Variants in PTPRA observed in about 807,000 individuals in gnomAD.
PTPRA encodes the protein protein tyrosine phosphatase receptor type A.
PTPRA carries 25 observed loss-of-function variants against 104.8 expected under a neutral mutation model. The ratio of observed to expected loss-of-function variants is 0.24; its 90% CI spans 0.17 to 0.33. The LOEUF (loss-of-function observed/expected upper bound fraction) is 0.33, where lower values mean the gene tolerates loss of function less well. Ranked by LOEUF, PTPRA falls within the 10% of genes least tolerant of loss-of-function variation. PTPRA has a pLI of 1.00. For missense variants in PTPRA, 765 were observed against 1,015.3 expected (o/e 0.75, Z 3.35); for synonymous variants, 323 against 368.9 (o/e 0.88, Z 1.43).
chr20:2,959,019 T>C (rs1233586948), intron 3 of PTPRA, among the ~76,000 whole-genome samples: 4 of 152,088 alleles, frequency 2.6e-5, no homozygotes, highest in Non-Finnish European at 5.9e-5. Context: ...GATAGTGTTG[T>C]TGCAAATGCA....
chr20:2,977,849 A>G (rs755346093), intron 6 of PTPRA, among the ~76,000 whole-genome samples: 21 of 152,170 alleles, frequency 1.4e-4, no homozygotes, highest in South Asian at 1.0e-3. Flanking sequence ...AAATATGTGA[A>G]CATCAGGAAC....
chr20:2,943,075 A>G (rs1448393111), intron 2 of PTPRA, among the ~76,000 whole-genome samples: 2 of 151,780 alleles, frequency 1.3e-5, no homozygotes, highest in African/African-American at 4.8e-5. Context: ...GCCAAGTTAT[A>G]GACCCTGTTC....
chr20:2,880,606 T>G (rs1481423173), intron 1 of PTPRA, among the ~76,000 whole-genome samples: 1 of 152,224 alleles, frequency 6.6e-6, no homozygotes, highest in Non-Finnish European at 1.5e-5. Context: ...TGATGAATTC[T>G]TGGTGAGCTA....
At chr20:2,923,658 A>AG (rs2060181785) in intron 2 of PTPRA, among the ~76,000 whole-genome samples, 2 of 151,878 alleles carry the variant, frequency 1.3e-5, no homozygotes, top group Admixed American at 6.6e-5. Context: ...AATTAGCCAG[A>AG]TGTGGTGGCA....
chr20:2,996,999 G>T (rs948438215), intron 9 of PTPRA, among the ~76,000 whole-genome samples: 1 of 152,104 alleles, frequency 6.6e-6, no homozygotes, highest in Non-Finnish European at 1.5e-5. Flanking sequence ...ATTTATAATA[G>T]CAAAGAAGAT....
chr20:3,026,434 T>A (rs1050709952), intron 17 of PTPRA, among the ~76,000 whole-genome samples: 4 of 152,134 alleles, frequency 2.6e-5, no homozygotes, highest in African/African-American at 9.7e-5. Flanking sequence ...CTGGAATCCC[T>A]TGCTCCAGGA....
chr20:2,949,036 T>C (rs1032539688), intron 3 of PTPRA, among the ~76,000 whole-genome samples: 2 of 152,178 alleles, frequency 1.3e-5, no homozygotes, highest in African/African-American at 2.4e-5. Context: ...TGCATACTTA[T>C]GGGGAAATCT....
At chr20:2,985,612 C>A (rs2062866429) in intron 6 of PTPRA, among the ~76,000 whole-genome samples, 1 of 151,996 alleles carries the variant, frequency 6.6e-6, no homozygotes, top group African/African-American at 2.4e-5. Flanking sequence ...GGGAGCCAGG[C>A]CCTGTGGAAT....
intron 20 of PTPRA, among the ~76,000 whole-genome samples, chr20:3,033,408 G>A (rs560655457): frequency 6.6e-6 from 1 of 152,002 alleles, no homozygotes; most frequent in East Asian, 1.9e-4. Flanking sequence ...CTTTTCTCCA[G>A]CGTAACTGCT....
In PTPRA at chr20:2,873,732, C is replaced by T. The variant is rs1414235391; in HGVS notation, c.-157C>T. The T allele has an allele frequency of 6.6e-6, 1 of 151,858 alleles. No homozygotes were observed. The highest frequency in any genetic ancestry group is 1.5e-5 in the Non-Finnish European group (1 of 67,898). 9.4% of individuals were successfully genotyped at this position (151,858 alleles called of 1,614,324 possible). On this transcript the variant is annotated 5_prime_UTR_variant, in exon 1 of 24. Transcript: ENST00000399903. The surrounding 1 kb of genome is among the most constrained non-coding windows in gnomAD (Gnocchi z 4.4). ...CCGAGGCGGAGCCGCTGTCCTCGTCCCCAGCGGTCCCGCCCAACGCCCGAC... is the reference window on the plus strand; with the variant it reads ...CCGAGGCGGAGCCGCTGTCCTCGTCTCCAGCGGTCCCGCCCAACGCCCGAC...
chr20:2,939,070 GA>G (rs1568661503), intron 2 of PTPRA, among the ~76,000 whole-genome samples: 1 of 152,112 alleles, frequency 6.6e-6, no homozygotes, highest in Non-Finnish European at 1.5e-5. Flanking sequence ...CACTTTTGTC[GA>G]CTGTGGTTCA....
chr20:2,993,085 A>G (rs969662561), intron 9 of PTPRA, among the ~76,000 whole-genome samples: 6 of 150,614 alleles, frequency 4.0e-5, no homozygotes, highest in African/African-American at 7.5e-5. Flanking sequence ...TCTTGTCTCT[A>G]TGTAGGTAGG....
In PTPRA at chr20:3,024,592, A is replaced by T; in HGVS notation, c.1585A>T (p.Ser529Cys). The T allele has an allele frequency of 6.2e-7, 1 of 1,614,236 alleles. No individual in the cohort carries two copies. The highest frequency in any genetic ancestry group is 8.5e-7 in the Non-Finnish European group (1 of 1,180,044). ...QKIYNKIPGTSNNGLEEEFKK... is the reference protein window; with the variant it reads ...QKIYNKIPGTCNNGLEEEFKK... Reference sequence around the variant, plus strand: ...AATTTACAACAAAATCCCAGGGACCAGCAACAATGGATTAGAGGAGGAGTT... The same window carrying T: ...AATTTACAACAAAATCCCAGGGACCTGCAACAATGGATTAGAGGAGGAGTT... Residue 529 changes from serine (S) to cysteine (C), a missense_variant, in exon 17 of 24, where the codon AGC (serine) becomes TGC (cysteine). By Grantham distance (112) the Ser-to-Cys change is moderately radical. Coordinates refer to ENST00000399903, the MANE Select transcript of PTPRA (RefSeq NM_001385305.1).
At chr20:2,917,397 A>G (rs1051689587) in intron 1 of PTPRA, among the ~76,000 whole-genome samples, 1 of 151,990 alleles carries the variant, frequency 6.6e-6, no homozygotes, top group Admixed American at 6.6e-5. Flanking sequence ...ATGAGAGATT[A>G]TTTCTCTGGA....
chr20:2,908,646 A>G (rs67891794), intron 1 of PTPRA, among the ~76,000 whole-genome samples: 21,390 of 152,110 alleles, frequency 0.14, 1,694 homozygotes, highest in East Asian at 0.27. Context: ...TAATCCCAGC[A>G]CTTTTGGAGG....
chr20:2,915,676 A>C (rs907054893), intron 1 of PTPRA, among the ~76,000 whole-genome samples: 1 of 152,156 alleles, frequency 6.6e-6, no homozygotes, highest in African/African-American at 2.4e-5. Flanking sequence ...AGATTTACCT[A>C]TGTTTTCTTC....
intron 1 of PTPRA, among the ~76,000 whole-genome samples, chr20:2,896,649 C>A (rs2059012861): frequency 6.6e-6 from 1 of 152,182 alleles, no homozygotes; most frequent in African/African-American, 2.4e-5. Context: ...AGGATACTCT[C>A]CTATAAAATC....
At position 2,965,047 on chromosome 20, in the gene PTPRA, G is replaced by A. The variant is rs548883995; in HGVS notation, c.260G>A (p.Gly87Glu). The change falls in exon 5 of 24, where the codon GGG becomes GAG. Residue 87 changes from glycine to glutamate, a missense_variant. This residue lies in a region of PTPRA where 256 missense variants were observed against 248.9 expected (regional missense o/e 1.03). Coordinates refer to ENST00000399903, the MANE Select transcript of PTPRA (RefSeq NM_001385305.1). ...GTCAATTCTTCAGACTCTGACAATG[G>A]GACCACAAGAACAGCAAGCACCAAT... ...TTVNSSDSDNGTTRTASTNSI... is the reference protein window; with the variant it reads ...TTVNSSDSDNETTRTASTNSI... The A allele has an allele frequency of 3.6e-4, 574 of 1,613,914 alleles. 8 individuals are homozygous for A. The South Asian group carries it at 6.0e-3, about 17-fold the overall frequency.
chr20:2,895,382 C>G (rs1189445331), intron 1 of PTPRA, among the ~76,000 whole-genome samples: 2 of 151,740 alleles, frequency 1.3e-5, no homozygotes, highest in African/African-American at 4.9e-5. Flanking sequence ...CCACACCCAG[C>G]CTACTACATA....
Sources: allele counts gnomAD v4.1 joint callset (sites outside exome capture counted in the v4.1 genomes callset), GRCh38; gene constraint gnomAD v4.1.1; regional missense constraint gnomAD v4.1.1; non-coding constraint Gnocchi (gnomAD v3.1); transcripts MANE v1.5; gene names NCBI Gene and HGNC (gene_info 2026-07-23, HGNC 2026-07-21).